The following NAP1L1 variants were observed in gnomAD, a reference collection of about 807,000 sequenced individuals.
NAP1L1 encodes nucleosome assembly protein 1 like 1, also known as nucleosome assembly protein 1-like 1.
NAP1L1 carries 9 observed loss-of-function variants against 58.9 expected under a neutral mutation model. That is an observed-to-expected ratio of 0.15 (90% CI 0.09 to 0.27). The LOEUF (loss-of-function observed/expected upper bound fraction) is 0.27, where lower values mean the gene tolerates loss of function less well. Ranked by LOEUF, NAP1L1 falls within the 10% of genes least tolerant of loss-of-function variation. The probability of loss-of-function intolerance (pLI) is 1.00; values close to 1 mark genes in which losing one functional copy is unlikely to be tolerated. For missense variants in NAP1L1, 302 were observed against 458.8 expected (o/e 0.66, Z 3.12); for synonymous variants, 130 against 138.3 (o/e 0.94, Z 0.42).
chr12:76,038,154 T>C lies in NAP1L1; in HGVS notation c.*10275A>G, dbSNP rs1217597874. The C allele has an allele frequency of 1.3e-5, 2 of 152,192 alleles. No individual in the cohort carries two copies. Among genetic ancestry groups the C allele is most frequent in the Non-Finnish European group, 1.5e-5 (1 of 68,042 alleles). 9.4% of individuals were successfully genotyped at this position (152,192 alleles called of 1,614,324 possible). A position where few individuals can be genotyped will look rare whatever the true frequency, so the allele number is the denominator to read the frequency against. On this transcript the variant is annotated 3_prime_UTR_variant, in exon 15 of 15. Transcript: ENST00000618691. ...AACTGCAATCACTCAAAAGTGTTGA[T>C]ATTCTGGCTCTGGGTCTCTGGGGTG...
At chr12:76,082,467 T>C (rs1321771885) in intron 1 of NAP1L1, among the ~76,000 whole-genome samples, 1 of 152,242 alleles carries the variant, frequency 6.6e-6, no homozygotes, top group Non-Finnish European at 1.5e-5. Context: ...AGGCACTTTG[T>C]AGCAGATAAA....
chr12:76,063,303 A>G (rs1027760595), intron 4 of NAP1L1, among the ~76,000 whole-genome samples: 3 of 152,240 alleles, frequency 2.0e-5, no homozygotes, highest in Admixed American at 2.0e-4. Flanking sequence ...ATAAACTTAG[A>G]TATTAGGTTA....
intron 4 of NAP1L1, among the ~76,000 whole-genome samples, chr12:76,064,318 T>A (rs985646569): frequency 3.9e-5 from 6 of 152,072 alleles, no homozygotes; most frequent in Non-Finnish European, 2.9e-5. Flanking sequence ...AATCTACAAA[T>A]GACAGAAAAA....
In NAP1L1 at chr12:76,070,233, G is replaced by A. The variant is rs147600824; in HGVS notation, c.18-1239C>T. Reference sequence around the variant, plus strand: ...TGCCCCCCAAGCTCAAGCAATTCTCGTGCCTCAGCCTCCTGAATAGCTGGG... The same window carrying A: ...TGCCCCCCAAGCTCAAGCAATTCTCATGCCTCAGCCTCCTGAATAGCTGGG... On this transcript the variant is annotated intron_variant, in intron 2 of 14. Coordinates refer to ENST00000618691, the MANE Select transcript of NAP1L1 (RefSeq NM_004537.7). Among the ~76,000 whole-genome samples, 22 of 151,822 alleles carry A rather than the reference G, an allele frequency of 1.4e-4. 1 individual carries two copies. The East Asian group carries it at 1.6e-3, about 11-fold the overall frequency.
chr12:76,069,145 T>C lies in NAP1L1; in HGVS notation c.18-151A>G. Reference sequence around the variant, plus strand: ...GGTAATTCCGTTTTCTAACTTCATATGTAAACAAGTACACACTGGAAGTGC... The same window carrying C: ...GGTAATTCCGTTTTCTAACTTCATACGTAAACAAGTACACACTGGAAGTGC... On this transcript the variant is annotated intron_variant, in intron 2 of 14. Transcript: ENST00000618691. 4 of 621,974 alleles carry C rather than the reference T, an allele frequency of 6.4e-6. No homozygotes were observed. The East Asian group carries it at 1.1e-4, about 17-fold the overall frequency. 38.5% of individuals were successfully genotyped at this position (621,974 alleles called of 1,614,324 possible). A position where few individuals can be genotyped will look rare whatever the true frequency, so the allele number is the denominator to read the frequency against.
rs1162943438 is a variant in NAP1L1 at position 76,040,454 on chromosome 12, G to A, written c.*7975C>T. ...CTCCTCAGCTATTCATGAAGGCAGT[G>A]AGGATTGAGACTGTTATAATCCAGT... On this transcript the variant is annotated 3_prime_UTR_variant, in exon 15 of 15. Coordinates refer to ENST00000618691, the MANE Select transcript of NAP1L1 (RefSeq NM_004537.7). 3 of 152,182 alleles carry A rather than the reference G, an allele frequency of 2.0e-5. No homozygotes were observed. Among genetic ancestry groups the A allele is most frequent in the Admixed American group, 6.6e-5 (1 of 15,252 alleles). The allele number at this position is 152,182 out of a possible 1,614,324, so 9.4% of individuals were successfully genotyped here.
Position 76,047,707 on chromosome 12 carries a change from AGAAG to A in NAP1L1, c.*718_*721del. Reference sequence around the variant, plus strand: ...GTAAATTCATCCTTTCCAGGGAAGCAGAAGGTAGACCCTACCACAAAGAAAAGAT... The same window carrying A: ...GTAAATTCATCCTTTCCAGGGAAGCAGTAGACCCTACCACAAAGAAAAGAT... On this transcript the variant is annotated 3_prime_UTR_variant, in exon 15 of 15. Transcript: ENST00000618691. 1 of 152,198 alleles carries A rather than the reference AGAAG, an allele frequency of 6.6e-6. No homozygotes were observed. The highest frequency in any genetic ancestry group is 1.9e-4 in the East Asian group (1 of 5,182). The allele number at this position is 152,198 out of a possible 1,614,324, so 9.4% of individuals were successfully genotyped here.
intron 7 of NAP1L1, among the ~76,000 whole-genome samples, chr12:76,055,561 A>T (rs1565721164): frequency 6.6e-6 from 1 of 152,224 alleles, no homozygotes; most frequent in Non-Finnish European, 1.5e-5. Flanking sequence ...TGTAGACGGT[A>T]GGGGCTCACT....
intron 11 of NAP1L1, among the ~76,000 whole-genome samples, chr12:76,052,162 T>A (rs1038790108): frequency 6.6e-6 from 1 of 151,850 alleles, no homozygotes; most frequent in Non-Finnish European, 1.5e-5. Context: ...AATAGAAAAA[T>A]CCAAAAGGGG....
intron 8 of NAP1L1, among the ~76,000 whole-genome samples, chr12:76,054,605 G>T (rs892144238): frequency 6.6e-6 from 1 of 152,116 alleles, no homozygotes; most frequent in Admixed American, 6.5e-5. Context: ...CCAACCTTAA[G>T]CATCTACAGC....
chr12:76,076,590 A>ATC (rs1465322303), intron 1 of NAP1L1, among the ~76,000 whole-genome samples: 8 of 137,978 alleles, frequency 5.8e-5, no homozygotes, highest in African/African-American at 2.3e-4. Flanking sequence ...ATATATATAT[A>ATC]TATCTCCACT....
chr12:76,069,922 T>C (rs962304869), intron 2 of NAP1L1, among the ~76,000 whole-genome samples: 2 of 152,212 alleles, frequency 1.3e-5, no homozygotes, highest in Non-Finnish European at 2.9e-5. Context: ...TAAAACATCA[T>C]TGTATAATTC....
At position 76,053,751 on chromosome 12, in the gene NAP1L1, G is replaced by A. The variant is rs1948949148; in HGVS notation, c.770+19C>T. Reference sequence around the variant, plus strand: ...AAAACAGAAAAAACATTTTGTTAAGGTAGTAAAATTAAACTCACCCTGTAC... The same window carrying A: ...AAAACAGAAAAAACATTTTGTTAAGATAGTAAAATTAAACTCACCCTGTAC... On this transcript the variant is annotated intron_variant, in intron 9 of 14. Transcript: ENST00000618691. 1 of 1,596,606 alleles carries A rather than the reference G, an allele frequency of 6.3e-7. No homozygotes were observed. Among genetic ancestry groups the A allele is most frequent in the East Asian group, 2.2e-5 (1 of 44,482 alleles).
chr12:76,048,235 C>T lies in NAP1L1; in HGVS notation c.*194G>A, dbSNP rs772859954. The T allele has an allele frequency of 3.7e-6, 2 of 541,038 alleles. No homozygotes were observed. Among genetic ancestry groups the T allele is most frequent in the Admixed American group, 3.4e-5 (1 of 29,024 alleles). 33.5% of individuals were successfully genotyped at this position (541,038 alleles called of 1,614,324 possible). A position where few individuals can be genotyped will look rare whatever the true frequency, so the allele number is the denominator to read the frequency against. ...ACATGCGTGACAGAATTTGTGCATTCAACATAGCTGGCAGAAAAACTAGTT... is the reference window on the plus strand; with the variant it reads ...ACATGCGTGACAGAATTTGTGCATTTAACATAGCTGGCAGAAAAACTAGTT... On this transcript the variant is annotated 3_prime_UTR_variant, in exon 15 of 15. Transcript: ENST00000618691.
rs1388608222 is a variant in NAP1L1, at chr12:76,049,185, A to C, written c.1140+15T>G. 3.7e-6 allele frequency: 6 copies of C among 1,607,228 alleles called. No individual in the cohort carries two copies. Among genetic ancestry groups the C allele is most frequent in the Non-Finnish European group, 5.1e-6 (6 of 1,174,270 alleles). On this transcript the variant is annotated intron_variant, in intron 14 of 14. Transcript: ENST00000618691. ...TATCTTAAATTTAATAGAAAGCAGC[A>C]CTAATTTTGCTCACCTTTGGGTCAT...
intron 13 of NAP1L1, 36 bp from the exon 14 acceptor site, chr12:76,049,286 T>C (rs544095836): frequency 1.6e-5 from 25 of 1,612,740 alleles, no homozygotes; most frequent in Non-Finnish European, 2.1e-5. Flanking sequence ...ATGAAGTATG[T>C]ACATAGTAGG....
chr12:76,051,571 G>T (rs1381802239), intron 11 of NAP1L1, among the ~76,000 whole-genome samples: 1 of 152,080 alleles, frequency 6.6e-6, no homozygotes, highest in East Asian at 1.9e-4. Flanking sequence ...TAGAGACAGG[G>T]TCTCGCTATG....
chr12:76,056,591 T>C, intron 6 of NAP1L1: 2 of 455,756 alleles, frequency 4.4e-6, no homozygotes, highest in South Asian at 3.1e-5. Flanking sequence ...TGAATGTGTG[T>C]CACAGCTCTG....
At position 76,056,101 on chromosome 12, in the gene NAP1L1, G is replaced by T; in HGVS notation, c.490C>A (p.Pro164Thr). 1 of 1,612,612 alleles carries T rather than the reference G, an allele frequency of 6.2e-7. No individual in the cohort carries two copies. Among genetic ancestry groups the T allele is most frequent in the Non-Finnish European group, 8.5e-7 (1 of 1,179,462 alleles). The change falls in exon 7 of 15, where the codon CCC becomes ACC. Residue 164 changes from proline to threonine, a missense_variant. Transcript: ENST00000618691. ...AACCAAAATTCAGGAATTCCTTTGG[G>T]GTCTTCTTTTTCTTCATCTTTTTTC... Reference protein sequence around the residue: ...DEKKDEEKEDPKGIPEFWLTV... With the variant: ...DEKKDEEKEDTKGIPEFWLTV...
Sources: gnomAD v4.1 joint callset for allele counts (sites outside exome capture counted in the v4.1 genomes callset) on GRCh38, gnomAD v4.1.1 for gene constraint, MANE v1.5 for transcripts, NCBI Gene and HGNC (gene_info 2026-07-23, HGNC 2026-07-21) for gene names.